Variants in FKBP10 observed in about 807,000 individuals in gnomAD.
The protein encoded by FKBP10 is peptidyl-prolyl cis-trans isomerase FKBP10.
Under a neutral mutation model 53.7 loss-of-function variants are expected in FKBP10, and 34 were observed. The observed-to-expected ratio is 0.63, with a 90% CI of 0.48 to 0.84. FKBP10 has a LOEUF of 0.84. FKBP10 is among the 40% of genes least tolerant of loss of function. The pLI is 0.00. For missense variants in FKBP10, 748 were observed against 797.8 expected, an observed-to-expected ratio of 0.94 and a Z score of 0.75; for synonymous variants, 324 against 335.7, an observed-to-expected ratio of 0.97 and a Z score of 0.38.
At chr17:41,820,883 G>A (rs1434391944) in intron 7 of FKBP10, 64 bp from the exon 8 acceptor site, 3 of 1,583,048 alleles carry the variant, frequency 1.9e-6, no homozygotes, top group Non-Finnish European at 1.7e-6. Flanking sequence ...CACCTCAGAG[G>A]GAGAGGGGTG....
rs181194136 is a variant in FKBP10, at chr17:41,819,549, T to C, written c.937T>C (p.Tyr313His). ...FDSSYSRNHT[Y>H]NTYIGQGYII... ...TTGCAGCTACTCCCGCAACCACACCTACAATACCTATATCGGGCAGGGTTA... is the reference window on the plus strand; with the variant it reads ...TTGCAGCTACTCCCGCAACCACACCCACAATACCTATATCGGGCAGGGTTA... Residue 313 changes from tyrosine (Y) to histidine (H), a missense_variant, in exon 6 of 10, where the codon TAC becomes CAC. Coordinates refer to ENST00000321562, the MANE Select transcript of FKBP10 (RefSeq NM_021939.4). 33 of 1,614,088 alleles carry C rather than the reference T, an allele frequency of 2.0e-5. No individual in the cohort carries two copies. Among genetic ancestry groups the C allele is most frequent in the Non-Finnish European group, 2.7e-5 (32 of 1,179,996 alleles).
At position 41,818,297 on chromosome 17, in the gene FKBP10, G is replaced by T; in HGVS notation, c.581+19G>T. The T allele has an allele frequency of 6.2e-7, 1 of 1,614,026 alleles. No individual in the cohort carries two copies. The highest frequency in any genetic ancestry group is 2.2e-5 in the East Asian group (1 of 44,882). On this transcript the variant is annotated intron_variant, in intron 3 of 9. Transcript: ENST00000321562. Reference sequence around the variant, plus strand: ...ACACCAGGTGAGGGGCTGGAGGGGAGCCCTGAGGCACTGGGGACTGTGGCA... The same window carrying T: ...ACACCAGGTGAGGGGCTGGAGGGGATCCCTGAGGCACTGGGGACTGTGGCA...
rs530410400 is a variant in FKBP10, at chr17:41,816,051, T to A, written c.246-1007T>A. 7.9e-5 allele frequency among the ~76,000 whole-genome samples: 12 copies of A among 150,990 alleles called. 1 individual carries two copies. In the South Asian group the frequency reaches 2.3e-3, roughly 29 times the overall value. ...TACTTCGGAGGCTGAGGCAGGAGAA[T>A]CGCTTAAACCCGGGAGGTGGAGGTT... On this transcript the variant is annotated intron_variant, in intron 1 of 9. Coordinates refer to ENST00000321562, the MANE Select transcript of FKBP10 (RefSeq NM_021939.4).
rs1434790573 is a variant in FKBP10, at chr17:41,819,417, G to C, written c.917+18G>C. ...GATTCCAGGTCAGGAGGGTCTTGAGGTGGGAGGGCGGGGGCTGGGTGAAAC... is the reference window on the plus strand; with the variant it reads ...GATTCCAGGTCAGGAGGGTCTTGAGCTGGGAGGGCGGGGGCTGGGTGAAAC... On this transcript the variant is annotated intron_variant, in intron 5 of 9. Transcript: ENST00000321562. 6.2e-7 allele frequency: 1 copy of C among 1,613,468 alleles called. No homozygotes were observed. The highest frequency in any genetic ancestry group is 2.2e-5 in the East Asian group (1 of 44,858).
Position 41,813,290 on chromosome 17 carries a change from T to C in FKBP10, c.245+11T>C. 7 of 1,613,398 alleles carry C rather than the reference T, an allele frequency of 4.3e-6. No homozygotes were observed. The highest frequency in any genetic ancestry group is 5.9e-6 in the Non-Finnish European group (7 of 1,179,904). ...GAAGTTTGATTCAAGGTAACCCCGG[T>C]TGGGCGCCCCCGGATTCACCACTCC... On this transcript the variant is annotated intron_variant, in intron 1 of 9. Transcript: ENST00000321562.
In FKBP10 at chr17:41,821,647, C is replaced by T. The variant is rs782276179; in HGVS notation, c.1400-7C>T. Reference sequence around the variant, plus strand: ...GACCCCTCCCTTCTCTCCTGCCCTCCCTCCAGCCCGGGGAGTCCCAGGCAG... The same window carrying T: ...GACCCCTCCCTTCTCTCCTGCCCTCTCTCCAGCCCGGGGAGTCCCAGGCAG... On this transcript the variant is annotated splice_region_variant and splice_polypyrimidine_tract_variant and intron_variant, in intron 8 of 9. Transcript: ENST00000321562. The T allele has an allele frequency of 2.5e-6, 4 of 1,613,696 alleles. No individual in the cohort carries two copies. In the Admixed American group the frequency reaches 6.7e-5, roughly 27 times the overall value.
At chr17:41,816,055 T>C (rs968997084) in intron 1 of FKBP10, among the ~76,000 whole-genome samples, 21 of 150,974 alleles carry the variant, frequency 1.4e-4, no homozygotes, top group Non-Finnish European at 2.5e-4. Context: ...GGAGAATCGC[T>C]TAAACCCGGG....
At chr17:41,814,502 C>T (rs911865419) in intron 1 of FKBP10, among the ~76,000 whole-genome samples, 1 of 152,212 alleles carries the variant, frequency 6.6e-6, no homozygotes, top group African/African-American at 2.4e-5. Flanking sequence ...AACCATATGA[C>T]CTGATGCTGT....
chr17:41,818,739 GGGAGGATCACGAGGTCA>G, intron 4 of FKBP10: 1 of 610,406 alleles, frequency 1.6e-6, no homozygotes, highest in South Asian at 1.9e-5. Context: ...AAGCCAAGGC[GGGAGGATCACGAGGTCA>G]GGAGATCGAG....
rs2047905650 is a variant in FKBP10, at chr17:41,822,477, G to C, written c.*69G>C. 2.0e-6 allele frequency: 3 copies of C among 1,513,534 alleles called. No homozygotes were observed. Among genetic ancestry groups the C allele is most frequent in the African/African-American group, 2.8e-5 (2 of 72,574 alleles). The allele number at this position is 1,513,534 out of a possible 1,614,324, so 93.8% of individuals were successfully genotyped here. ...CGAGGGGGACAGTGGCGGTGGGACT[G>C]ACCTGCTGACAGTCACCCTCCCTCT... On this transcript the variant is annotated 3_prime_UTR_variant, in exon 10 of 10. Coordinates refer to ENST00000321562, the MANE Select transcript of FKBP10 (RefSeq NM_021939.4).
At position 41,822,654 on chromosome 17, in the gene FKBP10, G is replaced by GC. The variant is rs1335022090; in HGVS notation, c.*248dup. 1 of 563,362 alleles carries GC rather than the reference G, an allele frequency of 1.8e-6. No homozygotes were observed. Among genetic ancestry groups the GC allele is most frequent in the African/African-American group, 1.9e-5 (1 of 53,248 alleles). 34.9% of individuals were successfully genotyped at this position (563,362 alleles called of 1,614,324 possible). ...TCCTTAAAATGTTTGGATTTGCAAA[G>GC]CCAATTTGGGGCCTGTGGAGCCTGG... On this transcript the variant is annotated 3_prime_UTR_variant, in exon 10 of 10. Coordinates refer to ENST00000321562, the MANE Select transcript of FKBP10 (RefSeq NM_021939.4).
chr17:41,820,908 A>T (rs782078270), intron 7 of FKBP10, 39 bp from the exon 8 acceptor site: 4 of 1,604,382 alleles, frequency 2.5e-6, no homozygotes, highest in Non-Finnish European at 2.6e-6. Context: ...CTGGCAGGGG[A>T]CAGGGTGGCT....
intron 7 of FKBP10, 82 bp downstream of exon 7, chr17:41,820,543 G>C: frequency 7.0e-7 from 1 of 1,434,796 alleles, no homozygotes; most frequent in African/African-American, 1.4e-5. Flanking sequence ...CCCGACGCCT[G>C]CTCCTCCCTC....
intron 8 of FKBP10, 50 bp from the exon 9 acceptor site, chr17:41,821,602 CCA>C: frequency 1.2e-6 from 2 of 1,605,644 alleles, no homozygotes; most frequent in Non-Finnish European, 1.7e-6. Context: ...GAAGCCAGGC[CCA>C]GACCCCGGCC....
rs888896516 is a variant in FKBP10, at chr17:41,822,711, A to G, written c.*303A>G. 6.4e-6 allele frequency: 3 copies of G among 467,862 alleles called. No homozygotes were observed. The highest frequency in any genetic ancestry group is 3.9e-5 in the African/African-American group (2 of 50,796). 29.0% of individuals were successfully genotyped at this position (467,862 alleles called of 1,614,324 possible). ...ATAGGGCCATGGCTGGTCCCCCACC[A>G]TACCTCCCCTCCACATCACTGACAC... On this transcript the variant is annotated 3_prime_UTR_variant, in exon 10 of 10. Transcript: ENST00000321562.
At chr17:41,816,985 G>A (rs1871458481) in intron 1 of FKBP10, 73 bp from the exon 2 acceptor site, 1 of 1,607,760 alleles carries the variant, frequency 6.2e-7, no homozygotes. Context: ...AGGCACACCT[G>A]TGCATCTGTG....
intron 4 of FKBP10, 150 bp downstream of exon 4, chr17:41,818,677 G>A: frequency 1.7e-6 from 2 of 1,161,412 alleles, no homozygotes; most frequent in Non-Finnish European, 2.5e-6. Context: ...TACTAAGAAG[G>A]GGTGCTTTGG....
chr17:41,820,880 G>A, intron 7 of FKBP10, 67 bp from the exon 8 acceptor site: 1 of 1,577,508 alleles, frequency 6.3e-7, no homozygotes, highest in South Asian at 1.2e-5. Context: ...GCCCACCTCA[G>A]AGGGAGAGGG....
rs2047904043 is a variant in FKBP10, at chr17:41,822,385, G to A, written c.1726G>A (p.Glu576Lys). The change falls in exon 10 of 10, where the codon GAG becomes AAG. Residue 576 changes from glutamate to lysine, a missense_variant. By Grantham distance (56) the Glu-to-Lys change is moderately conservative (BLOSUM62 1). Coordinates refer to ENST00000321562, the MANE Select transcript of FKBP10 (RefSeq NM_021939.4). The part of the protein sequence containing the change: ...ELKLKSDEDE[E>K]RVHEEL ...CAAGCTGAAGTCAGATGAGGACGAG[G>A]AGCGGGTCCACGAGGAGCTCTGAGG... The A allele has an allele frequency of 1.2e-6, 2 of 1,610,180 alleles. No homozygotes were observed. The highest frequency in any genetic ancestry group is 1.7e-6 in the Non-Finnish European group (2 of 1,178,242).
Sources: gnomAD v4.1 joint callset for allele counts (sites outside exome capture counted in the v4.1 genomes callset) on GRCh38, gnomAD v4.1.1 for gene constraint, MANE v1.5 for transcripts, NCBI Gene and HGNC (gene_info 2026-07-23, HGNC 2026-07-21) for gene names.